Variants in ACER2 observed in about 807,000 individuals in gnomAD.
The protein encoded by ACER2 is alkaline ceramidase 2.
A neutral mutation model predicts 34.7 loss-of-function variants in ACER2; 26 were observed. The observed-to-expected ratio is 0.75, with a 90% confidence interval of 0.55 to 1.04. The LOEUF (loss-of-function observed/expected upper bound fraction) is 1.04. Among genes scored for constraint, ACER2 ranks in the 50% least tolerant of loss-of-function variants. The probability of loss-of-function intolerance (pLI) is 0.00; values close to 1 mark genes in which losing one functional copy is unlikely to be tolerated. For synonymous variants in ACER2, 138 were observed against 132.1 expected (o/e 1.04, Z -0.31); for missense variants, 352 against 340.8 (o/e 1.03, Z -0.26).
At chr9:19,434,209 T>A (rs1830871403) in intron 3 of ACER2, among the ~76,000 whole-genome samples, 1 of 144,152 alleles carries the variant, frequency 6.9e-6, no homozygotes, top group African/African-American at 2.6e-5. Flanking sequence ...ACTTCCTAGA[T>A]GTGATGGCGG....
chr9:19,426,232 A>T (rs201347892), intron 3 of ACER2, among the ~76,000 whole-genome samples: 1 of 148,796 alleles, frequency 6.7e-6, no homozygotes, highest in African/African-American at 2.5e-5. Flanking sequence ...TTTTTTTAAA[A>T]AAAAAAAAAC....
chr9:19,435,791 T>C (rs1056851849), intron 4 of ACER2, among the ~76,000 whole-genome samples: 2 of 151,696 alleles, frequency 1.3e-5, no homozygotes, highest in Non-Finnish European at 2.9e-5. Context: ...GGCTCATGCC[T>C]GTAATCCCAG....
At chr9:19,422,084 G>C (rs1168682802) in intron 1 of ACER2, among the ~76,000 whole-genome samples, 4 of 149,368 alleles carry the variant, frequency 2.7e-5, no homozygotes, top group Non-Finnish European at 5.9e-5. Flanking sequence ...AGCAGTGTGA[G>C]ATCAGCCTGG....
chr9:19,450,864 G>A lies in ACER2; in HGVS notation c.*228G>A, dbSNP rs1831548230. On this transcript the variant is annotated 3_prime_UTR_variant, in exon 6 of 6. Transcript: ENST00000340967. ...CCTGCAGTTTCCCATTTGTCTTTCA[G>A]TATGTTAATATTTTTGTGCCATACT... The A allele has an allele frequency of 2.8e-6, 1 of 359,578 alleles. No individual in the cohort carries two copies. Among genetic ancestry groups the A allele is most frequent in the Non-Finnish European group, 4.9e-6 (1 of 202,990 alleles). 22.3% of individuals were successfully genotyped at this position (359,578 alleles called of 1,614,324 possible).
chr9:19,423,372 CT>C (rs1463434222), intron 1 of ACER2, among the ~76,000 whole-genome samples: 1 of 152,174 alleles, frequency 6.6e-6, no homozygotes, highest in Non-Finnish European at 1.5e-5. Flanking sequence ...ATTTAAAAAG[CT>C]TTAAGTTCTC....
At chr9:19,430,507 C>G (rs1306771322) in intron 3 of ACER2, among the ~76,000 whole-genome samples, 1 of 152,166 alleles carries the variant, frequency 6.6e-6, no homozygotes, top group East Asian at 1.9e-4. Flanking sequence ...ACTCTGGGGT[C>G]TGCTGGGCTG....
At chr9:19,417,237 T>A (rs1385541659) in intron 1 of ACER2, among the ~76,000 whole-genome samples, 1 of 152,080 alleles carries the variant, frequency 6.6e-6, no homozygotes, top group Non-Finnish European at 1.5e-5. Flanking sequence ...CACAAACAAA[T>A]GGAAGAATAT....
intron 5 of ACER2, among the ~76,000 whole-genome samples, chr9:19,447,939 C>T (rs905245403): frequency 6.6e-6 from 1 of 150,998 alleles, no homozygotes; most frequent in Admixed American, 6.6e-5. Context: ...TATATGTACA[C>T]ACACACGCAC....
rs575052295 is a variant in ACER2 at position 19,433,940 on chromosome 9, C to T, written c.366-1007C>T. Among the ~76,000 whole-genome samples, 128 of 151,558 alleles carry T rather than the reference C, an allele frequency of 8.4e-4. 2 individuals are homozygous for T. The South Asian group carries it at 0.022, about 26-fold the overall frequency. ...CCTCCTCCAGGACGGGGCGGCTGGC[C>T]GGGCAGGGGGCTGACCCCCCCACCT... On this transcript the variant is annotated intron_variant, in intron 3 of 5. Coordinates refer to ENST00000340967, the MANE Select transcript of ACER2 (RefSeq NM_001010887.3).
chr9:19,411,390 T>A (rs1053948669), intron 1 of ACER2, among the ~76,000 whole-genome samples: 1 of 152,180 alleles, frequency 6.6e-6, no homozygotes, highest in African/African-American at 2.4e-5. Context: ...TGTTGCTATT[T>A]AAAAAAATTT....
intron 1 of ACER2, among the ~76,000 whole-genome samples, chr9:19,418,022 C>G (rs1457211402): frequency 6.6e-6 from 1 of 152,134 alleles, no homozygotes; most frequent in African/African-American, 2.4e-5. Context: ...ACAACCCCAT[C>G]AAAAAGTGGG....
intron 3 of ACER2, among the ~76,000 whole-genome samples, chr9:19,426,090 CTGAG>C (rs1830549789): frequency 6.6e-6 from 1 of 152,036 alleles, no homozygotes; most frequent in Admixed American, 6.6e-5. Flanking sequence ...TAAACTCTTT[CTGAG>C]TATGTTTTTG....
Position 19,424,860 on chromosome 9 carries a change from T to G in ACER2, c.365+19T>G. The G allele has an allele frequency of 6.2e-7, 1 of 1,614,010 alleles. No individual in the cohort carries two copies. The highest frequency in any genetic ancestry group is 2.2e-5 in the East Asian group (1 of 44,886). ...ATGACCGGTAAGCTTGCACTAAACA[T>G]TATTGCATTTACCACTAGGTGCAGT... On this transcript the variant is annotated intron_variant, in intron 3 of 5. Coordinates refer to ENST00000340967, the MANE Select transcript of ACER2 (RefSeq NM_001010887.3).
At chr9:19,416,422 C>T (rs1418866753) in intron 1 of ACER2, among the ~76,000 whole-genome samples, 2 of 152,188 alleles carry the variant, frequency 1.3e-5, no homozygotes, top group Non-Finnish European at 2.9e-5. Context: ...AGGAGCCGGG[C>T]TCTGTGCAGA....
At chr9:19,446,237 G>A in intron 4 of ACER2, 44 bp from the exon 5 acceptor site, 1 of 1,614,050 alleles carries the variant, frequency 6.2e-7, no homozygotes, top group Non-Finnish European at 8.5e-7. Flanking sequence ...CAAGGAGGTG[G>A]AGACAAGGTC....
In ACER2 at chr9:19,409,040, T is replaced by A. The variant is rs536277643; in HGVS notation, c.-45T>A. On this transcript the variant is annotated 5_prime_UTR_variant, in exon 1 of 6. Coordinates refer to ENST00000340967, the MANE Select transcript of ACER2 (RefSeq NM_001010887.3). ...TTTTGCCTCCGCAGCAGCTCTGGGC[T>A]CTTCTCAGCTGCGCGAGCAGCTGCT... is the stretch of plus-strand genomic sequence containing the variant. 1.2e-4 allele frequency: 173 copies of A among 1,497,792 alleles called. 2 individuals carry two copies. In the South Asian group the frequency reaches 2.0e-3, roughly 17 times the overall value. 92.8% of individuals were successfully genotyped at this position (1,497,792 alleles called of 1,614,324 possible).
chr9:19,446,208 A>G (rs760509288), intron 4 of ACER2, 73 bp from the exon 5 acceptor site: 23 of 1,609,814 alleles, frequency 1.4e-5, no homozygotes, highest in Admixed American at 8.3e-5. Context: ...AGCGAAGGAG[A>G]CACAGGAAAG....
chr9:19,434,846 A>C, intron 3 of ACER2, 101 bp from the exon 4 acceptor site: 1 of 1,467,686 alleles, frequency 6.8e-7, no homozygotes. Flanking sequence ...ATTTCTTTTC[A>C]GCTTGTATTT....
chr9:19,432,811 C>G (rs1830799449), intron 3 of ACER2, among the ~76,000 whole-genome samples: 1 of 150,218 alleles, frequency 6.7e-6, no homozygotes, highest in African/African-American at 2.4e-5. Context: ...TTACTGTAAA[C>G]TCAAACTCCT....
Sources: gnomAD v4.1 joint callset for allele counts (sites outside exome capture counted in the v4.1 genomes callset) on GRCh38, gnomAD v4.1.1 for gene constraint, MANE v1.5 for transcripts, NCBI Gene and HGNC (gene_info 2026-07-23, HGNC 2026-07-21) for gene names.